PPP1R14C: variants seen among roughly 807,000 people sequenced by gnomAD.
PPP1R14C encodes protein phosphatase 1 regulatory subunit 14C.
Under a neutral mutation model 20.4 loss-of-function variants are expected in PPP1R14C, and 16 were observed. The observed-to-expected ratio is 0.78, with a 90% CI of 0.53 to 1.19. The LOEUF is 1.19. Ranked by LOEUF, PPP1R14C falls within the 50% of genes most tolerant of loss-of-function variation. The pLI is 0.00. For synonymous variants in PPP1R14C, 91 were observed against 91.0 expected, an observed-to-expected ratio of 1.00 and a Z score of 0.00; for missense variants, 211 against 220.1, an observed-to-expected ratio of 0.96 and a Z score of 0.26.
rs886081659 is a variant in PPP1R14C at position 150,185,836 on chromosome 6, A to G, written c.307-28908A>G. On this transcript the variant is annotated intron_variant, in intron 1 of 3. Coordinates refer to ENST00000361131, the MANE Select transcript of PPP1R14C (RefSeq NM_030949.3). The surrounding 1 kb of genome is among the most constrained non-coding windows in gnomAD (Gnocchi z 4.1). ...TACCCTCACCATCACTCAGGGACCT[A>G]GGCTGCTGAGGCTCTGTGTAGACAC... 6.6e-6 allele frequency among the ~76,000 whole-genome samples: 1 copy of G among 152,142 alleles called. No individual in the cohort carries two copies. Among genetic ancestry groups the G allele is most frequent in the African/African-American group, 2.4e-5 (1 of 41,442 alleles).
chr6:150,228,691 G>A (rs953013551), intron 3 of PPP1R14C, among the ~76,000 whole-genome samples: 6 of 152,050 alleles, frequency 3.9e-5, no homozygotes, highest in African/African-American at 1.4e-4. Context: ...CGTACCCCAA[G>A]TATACGAAGA....
chr6:150,151,895 C>T (rs1047925911), intron 1 of PPP1R14C, among the ~76,000 whole-genome samples: 2 of 151,826 alleles, frequency 1.3e-5, no homozygotes, highest in African/African-American at 4.8e-5. Flanking sequence ...CTGAGGCGGG[C>T]GGATCACGAG....
intron 3 of PPP1R14C, among the ~76,000 whole-genome samples, chr6:150,244,584 T>C (rs1778470812): frequency 6.6e-6 from 1 of 152,234 alleles, no homozygotes; most frequent in African/African-American, 2.4e-5. Context: ...CTATCGGCAT[T>C]GTCCACATGG....
chr6:150,194,497 A>G (rs1394870125), intron 1 of PPP1R14C: 10 of 979,550 alleles, frequency 1.0e-5, no homozygotes, highest in Non-Finnish European at 1.1e-5. Context: ...GTTCTACTAC[A>G]ATTTGTATGC....
chr6:150,149,188 G>A (rs1777213765), intron 1 of PPP1R14C, among the ~76,000 whole-genome samples: 1 of 152,204 alleles, frequency 6.6e-6, no homozygotes, highest in African/African-American at 2.4e-5. Flanking sequence ...TGGTTACAAT[G>A]TGTGCTTTGA....
intron 3 of PPP1R14C, among the ~76,000 whole-genome samples, chr6:150,233,982 G>A (rs1778323296): frequency 6.6e-6 from 1 of 152,214 alleles, no homozygotes; most frequent in East Asian, 1.9e-4. Context: ...TTTGGGATGT[G>A]GGAGGAAGCC....
intron 1 of PPP1R14C, among the ~76,000 whole-genome samples, chr6:150,214,429 T>G (rs1464863663): frequency 2.0e-5 from 3 of 152,134 alleles, no homozygotes; most frequent in Non-Finnish European, 4.4e-5. Flanking sequence ...TAATTCTCCT[T>G]TGCTCCCCCT....
chr6:150,237,563 G>T (rs527755212), intron 3 of PPP1R14C, among the ~76,000 whole-genome samples: 1 of 152,276 alleles, frequency 6.6e-6, no homozygotes, highest in Non-Finnish European at 1.5e-5. Context: ...GTCTGATGAT[G>T]ATGATGATAA....
At chr6:150,233,151 A>G (rs1453287557) in intron 3 of PPP1R14C, among the ~76,000 whole-genome samples, 1 of 152,188 alleles carries the variant, frequency 6.6e-6, no homozygotes, top group Non-Finnish European at 1.5e-5. Flanking sequence ...GTGGCTGGTA[A>G]AAGAGAGTGC....
intron 1 of PPP1R14C, among the ~76,000 whole-genome samples, chr6:150,174,920 C>T (rs1777544703): frequency 1.3e-5 from 2 of 150,266 alleles, no homozygotes; most frequent in Non-Finnish European, 2.9e-5. Context: ...GAGCTGAGAT[C>T]ATGCCACTGC....
intron 1 of PPP1R14C, chr6:150,195,830 A>C: frequency 1.0e-6 from 1 of 985,284 alleles, no homozygotes; most frequent in Non-Finnish European, 1.2e-6. Flanking sequence ...GATGGGTTTT[A>C]ATATGCCTAG....
chr6:150,219,132 A>G (rs1778136076), intron 3 of PPP1R14C, among the ~76,000 whole-genome samples: 1 of 152,162 alleles, frequency 6.6e-6, no homozygotes, highest in Admixed American at 6.5e-5. Context: ...ATTTAAACAA[A>G]TGTTTTTCAC....
intron 1 of PPP1R14C, among the ~76,000 whole-genome samples, chr6:150,160,404 G>A (rs1286538739): frequency 2.7e-5 from 4 of 150,216 alleles, no homozygotes; most frequent in Admixed American, 2.0e-4. Flanking sequence ...AGCTGGGACT[G>A]CAGGTGCCGA....
intron 1 of PPP1R14C, among the ~76,000 whole-genome samples, chr6:150,166,327 G>A (rs988664407): frequency 2.0e-5 from 3 of 152,038 alleles, no homozygotes; most frequent in Non-Finnish European, 4.4e-5. Context: ...TGATCTACCC[G>A]CCTCGGCCTC....
At chr6:150,197,456 T>G (rs1460005925) in intron 1 of PPP1R14C, among the ~76,000 whole-genome samples, 1 of 152,242 alleles carries the variant, frequency 6.6e-6, no homozygotes, top group Non-Finnish European at 1.5e-5. Context: ...TGAGTTGAAC[T>G]GAATATTCGC....
At chr6:150,165,135 G>T (rs1000123756) in intron 1 of PPP1R14C, among the ~76,000 whole-genome samples, 2 of 152,216 alleles carry the variant, frequency 1.3e-5, no homozygotes, top group Non-Finnish European at 2.9e-5. Context: ...TAAGACAGGA[G>T]ACCTTGTATG....
chr6:150,247,084 C>T (rs562250023), intron 3 of PPP1R14C, among the ~76,000 whole-genome samples: 2 of 152,116 alleles, frequency 1.3e-5, no homozygotes, highest in South Asian at 2.1e-4. Context: ...AATTTTGGTG[C>T]TAATATAATA....
At chr6:150,167,993 C>CT (rs1777448407) in intron 1 of PPP1R14C, among the ~76,000 whole-genome samples, 1 of 1,020 alleles carries the variant, frequency 9.8e-4, no homozygotes, top group Non-Finnish European at 2.1e-3. Flanking sequence ...CTCCCCTCTT[C>CT]CTCTCCCCCT....
intron 1 of PPP1R14C, among the ~76,000 whole-genome samples, chr6:150,171,039 C>T (rs1460571075): frequency 6.6e-6 from 1 of 152,084 alleles, no homozygotes. Context: ...ACCAACTCCC[C>T]CGGCGTGACC....
Sources: gnomAD v4.1 joint callset for allele counts (sites outside exome capture counted in the v4.1 genomes callset) on GRCh38, gnomAD v4.1.1 for gene constraint, Gnocchi (gnomAD v3.1) non-coding constraint, MANE v1.5 for transcripts, NCBI Gene and HGNC (gene_info 2026-07-23, HGNC 2026-07-21) for gene names.